HSD17B4: variants seen among roughly 807,000 people sequenced by gnomAD.
HSD17B4 encodes the protein peroxisomal multifunctional enzyme type 2.
A neutral mutation model predicts 101.0 loss-of-function variants in HSD17B4; 70 were observed. That is an observed-to-expected ratio of 0.69 (90% CI 0.57 to 0.85). The LOEUF (loss-of-function observed/expected upper bound fraction) is 0.85, where lower values mean the gene tolerates loss of function less well. Ranked by LOEUF, HSD17B4 falls within the 40% of genes least tolerant of loss-of-function variation. The pLI is 0.00. For missense variants in HSD17B4, 984 were observed against 892.4 expected, an observed-to-expected ratio of 1.10 and a Z score of -1.31; for synonymous variants, 347 against 297.1, an observed-to-expected ratio of 1.17 and a Z score of -1.73.
chr5:119,532,111 C>T (rs1182293066), intron 22 of HSD17B4, among the ~76,000 whole-genome samples: 1 of 152,112 alleles, frequency 6.6e-6, no homozygotes, highest in Non-Finnish European at 1.5e-5. Context: ...TAACTCACAT[C>T]CTTAATCATG....
intron 16 of HSD17B4, among the ~76,000 whole-genome samples, chr5:119,510,343 A>G (rs1752058601): frequency 6.6e-6 from 1 of 152,228 alleles, no homozygotes; most frequent in African/African-American, 2.4e-5. Flanking sequence ...TATTTCTCTT[A>G]TGCAAGATAA....
chr5:119,455,542 T>TTCTCTCTCTC (rs200829499), intron 1 of HSD17B4, among the ~76,000 whole-genome samples: 17 of 139,362 alleles, frequency 1.2e-4, no homozygotes, highest in East Asian at 6.3e-4. Flanking sequence ...AAGCAAAACT[T>TTCTCTCTCTC]TCTCTCTCTC....
rs1755829633 is a variant in HSD17B4, at chr5:119,466,560, A to G, written c.113-7348A>G. On this transcript the variant is annotated intron_variant, in intron 2 of 23. Coordinates refer to ENST00000510025, the MANE Select transcript of HSD17B4 (RefSeq NM_000414.4). ...GGTAGTAGGTCATATGTCTATGTCC[A>G]GTTTTCCTCCAGTTTGTTGGCGTAG... Among the ~76,000 whole-genome samples the G allele has an allele frequency of 2.6e-5, 4 of 152,010 alleles. No homozygotes were observed. In the South Asian group the frequency reaches 6.2e-4, roughly 24 times the overall value.
In HSD17B4 at chr5:119,499,502, G is replaced by A; in HGVS notation, c.1158G>A (p.Met386Ile). The change falls in exon 13 of 24, where the codon ATG becomes ATA. Residue 386 changes from methionine to isoleucine, a missense_variant. Met to Ile is a conservative substitution (Grantham distance 10). Transcript: ENST00000510025. ...GAGTTATCATAGGTCAGAAATCTATGATGGGTGGAGGATTAGCAGAAATTC... is the reference window on the plus strand; with the variant it reads ...GAGTTATCATAGGTCAGAAATCTATAATGGGTGGAGGATTAGCAGAAATTC... ...TFGVIIGQKSMMGGGLAEIPG... is the reference protein window; with the variant it reads ...TFGVIIGQKSIMGGGLAEIPG... 6.2e-7 allele frequency: 1 copy of A among 1,613,804 alleles called. No individual in the cohort carries two copies. Among genetic ancestry groups the A allele is most frequent in the African/African-American group, 1.3e-5 (1 of 75,034 alleles).
chr5:119,454,714 C>T (rs181198765), intron 1 of HSD17B4, among the ~76,000 whole-genome samples: 52 of 152,132 alleles, frequency 3.4e-4, no homozygotes, highest in African/African-American at 1.2e-3. Context: ...CTCTGCCTTC[C>T]GGGTTCAAAC....
intron 15 of HSD17B4, among the ~76,000 whole-genome samples, chr5:119,508,183 C>A (rs1209941470): frequency 6.6e-6 from 1 of 151,798 alleles, no homozygotes. Flanking sequence ...CTACTATTCT[C>A]CCAGTTCTCT....
At chr5:119,530,946 A>T (rs2126894810) in intron 21 of HSD17B4, among the ~76,000 whole-genome samples, 1 of 151,814 alleles carries the variant, frequency 6.6e-6, no homozygotes, top group South Asian at 2.1e-4. Flanking sequence ...TATTTTATAA[A>T]TAAAAAAAAT....
At chr5:119,540,814 C>A (rs951544455) in intron 23 of HSD17B4, among the ~76,000 whole-genome samples, 1 of 152,162 alleles carries the variant, frequency 6.6e-6, no homozygotes, top group Non-Finnish European at 1.5e-5. Flanking sequence ...TGAGTTTAAG[C>A]CCTGGCCCTA....
At chr5:119,513,968 C>G (rs114313860) in intron 16 of HSD17B4, among the ~76,000 whole-genome samples, 2 of 152,230 alleles carry the variant, frequency 1.3e-5, no homozygotes, top group Non-Finnish European at 2.9e-5. Context: ...CCCTCAGAAT[C>G]AAGACAGGTT....
At chr5:119,511,984 C>A (rs1432812032) in intron 16 of HSD17B4, among the ~76,000 whole-genome samples, 1 of 152,036 alleles carries the variant, frequency 6.6e-6, no homozygotes, top group Non-Finnish European at 1.5e-5. Context: ...CTAAAGGAAA[C>A]CATGCTTAAA....
chr5:119,471,591 T>C, intron 2 of HSD17B4: 1 of 767,696 alleles, frequency 1.3e-6, no homozygotes, highest in Non-Finnish European at 1.9e-6. Context: ...TTTTCATGTA[T>C]ACCATTATGC....
At chr5:119,519,368 C>T (rs1462956598) in intron 17 of HSD17B4, among the ~76,000 whole-genome samples, 1 of 152,188 alleles carries the variant, frequency 6.6e-6, no homozygotes, top group Non-Finnish European at 1.5e-5. Flanking sequence ...TAATATTTGG[C>T]ATATCAGTTC....
chr5:119,454,639 TGA>T (rs1754412256), intron 1 of HSD17B4, among the ~76,000 whole-genome samples: 1 of 150,742 alleles, frequency 6.6e-6, no homozygotes, highest in African/African-American at 2.4e-5. Flanking sequence ...TGTTTTTGTT[TGA>T]GAGGGAGTTT....
At chr5:119,513,016 G>T (rs1752310643) in intron 16 of HSD17B4, among the ~76,000 whole-genome samples, 1 of 152,062 alleles carries the variant, frequency 6.6e-6, no homozygotes, top group African/African-American at 2.4e-5. Flanking sequence ...AATTAGTATT[G>T]ATCAATACTA....
intron 2 of HSD17B4, among the ~76,000 whole-genome samples, chr5:119,466,072 A>C (rs557104328): frequency 6.6e-6 from 1 of 152,192 alleles, no homozygotes; most frequent in African/African-American, 2.4e-5. Flanking sequence ...TCTTGAGATG[A>C]TCAGATGGTT....
rs747098218 is a variant in HSD17B4 at position 119,542,027 on chromosome 5, C to A, written c.*33C>A. 1.2e-5 allele frequency: 17 copies of A among 1,360,960 alleles called. No homozygotes were observed. Among genetic ancestry groups the A allele is most frequent in the South Asian group, 3.5e-5 (3 of 85,400 alleles). The allele number at this position is 1,360,960 out of a possible 1,614,324, so 84.3% of individuals were successfully genotyped here. ...ACTACACTATTAATAAAAATGGAAT[C>A]ATTAAATACTCTCTTCACCCAAATA... On this transcript the variant is annotated 3_prime_UTR_variant, in exon 24 of 24. Coordinates refer to ENST00000510025, the MANE Select transcript of HSD17B4 (RefSeq NM_000414.4).
chr5:119,536,556 G>T lies in HSD17B4; in HGVS notation c.2121+6G>T. On this transcript the variant is annotated splice_donor_region_variant and intron_variant, in intron 23 of 23. Transcript: ENST00000510025. ...GCAAGCTTGACCCTCAGAAGGTAAT[G>T]TTCTCAAATGTTCATTTATTCATTG... 6.2e-7 allele frequency: 1 copy of T among 1,610,914 alleles called. No individual in the cohort carries two copies. Among genetic ancestry groups the T allele is most frequent in the Non-Finnish European group, 8.5e-7 (1 of 1,177,508 alleles).
At chr5:119,528,587 A>G (rs780876873) in intron 20 of HSD17B4, among the ~76,000 whole-genome samples, 1 of 151,904 alleles carries the variant, frequency 6.6e-6, no homozygotes, top group African/African-American at 2.4e-5. Flanking sequence ...ACATTTTCTA[A>G]TTTGTTTTGT....
chr5:119,508,377 GATAAAA>G (rs1751858886), intron 15 of HSD17B4, among the ~76,000 whole-genome samples: 1 of 152,160 alleles, frequency 6.6e-6, no homozygotes, highest in South Asian at 2.1e-4. Context: ...TTGCCTATGT[GATAAAA>G]ATAAAAATCT....
Sources: gnomAD v4.1 joint callset for allele counts (sites outside exome capture counted in the v4.1 genomes callset) on GRCh38, gnomAD v4.1.1 for gene constraint, MANE v1.5 for transcripts, NCBI Gene and HGNC (gene_info 2026-07-23, HGNC 2026-07-21) for gene names.